The following PRKCZ variants were observed in gnomAD, a reference collection of about 807,000 sequenced individuals.
PRKCZ encodes protein kinase C zeta type.
A neutral mutation model predicts 79.5 loss-of-function variants in PRKCZ; 33 were observed. The ratio of observed to expected loss-of-function variants is 0.41; its 90% CI spans 0.31 to 0.55. The LOEUF is 0.55. PRKCZ is among the 20% of genes least tolerant of loss of function. The probability of loss-of-function intolerance (pLI) is 0.19; values close to 1 mark genes in which losing one functional copy is unlikely to be tolerated. For synonymous variants in PRKCZ, 342 were observed against 320.9 expected (o/e 1.07, Z -0.70); for missense variants, 578 against 813.5 (o/e 0.71, Z 3.52).
chr1:2,137,965 G>C (rs766146910), intron 5 of PRKCZ, among the ~76,000 whole-genome samples: 5 of 152,222 alleles, frequency 3.3e-5, no homozygotes, highest in Admixed American at 1.3e-4. Context: ...TGCTCAGGGA[G>C]GGCGGCTGCC....
Position 2,127,063 on chromosome 1 carries a change from C to A in PRKCZ, c.335-8199C>A, listed in dbSNP as rs1674057957. Among the ~76,000 whole-genome samples the A allele has an allele frequency of 6.6e-6, 1 of 152,230 alleles. No homozygotes were observed. Among genetic ancestry groups the A allele is most frequent in the South Asian group, 2.1e-4 (1 of 4,830 alleles). On this transcript the variant is annotated intron_variant, in intron 4 of 17. Transcript: ENST00000378567. This position sits in a 1 kb window ranked among gnomAD's most constrained non-coding sequence, Gnocchi z 5.1. Reference sequence around the variant, plus strand: ...CGCCTCGGCTGTGCCTCTTCTGTCTCTCGAGCTCTTCTGTGCCGTGTGGTT... The same window carrying A: ...CGCCTCGGCTGTGCCTCTTCTGTCTATCGAGCTCTTCTGTGCCGTGTGGTT...
Position 2,141,630 on chromosome 1 carries a change from G to A in PRKCZ, c.421-2580G>A, listed in dbSNP as rs12025309. On this transcript the variant is annotated intron_variant, in intron 5 of 17. Transcript: ENST00000378567. ...CAAAGTGCTGGGATTACAGGCATGA[G>A]CCACTGCGCCTGGCCAATCTTGGTT... 46 of 154,450 alleles carry A rather than the reference G, an allele frequency of 3.0e-4. No individual in the cohort carries two copies. In the South Asian group the frequency reaches 7.1e-3, roughly 24 times the overall value. The allele number at this position is 154,450 out of a possible 1,614,324, so 9.6% of individuals were successfully genotyped here.
Position 2,094,409 on chromosome 1 carries a change from C to A in PRKCZ, c.334+34818C>A. Among the ~76,000 whole-genome samples the A allele has an allele frequency of 6.6e-6, 1 of 151,698 alleles. No individual in the cohort carries two copies. Among genetic ancestry groups the A allele is most frequent in the Non-Finnish European group, 1.5e-5 (1 of 67,876 alleles). The stretch of plus-strand genomic sequence containing the variant: ...ATTCTGAGGCGCCCGCTGTGCCCGG[C>A]TCGTTGAACCTTGGGCGCTGCCCGT... On this transcript the variant is annotated intron_variant, in intron 4 of 17. Coordinates refer to ENST00000378567, the MANE Select transcript of PRKCZ (RefSeq NM_002744.6). This position sits in a 1 kb window ranked among gnomAD's most constrained non-coding sequence, Gnocchi z 7.3.
intron 4 of PRKCZ, among the ~76,000 whole-genome samples, chr1:2,079,489 G>A (rs1001086978): frequency 6.6e-6 from 1 of 152,226 alleles, no homozygotes; most frequent in Admixed American, 6.5e-5. Flanking sequence ...AAGCTGCGTG[G>A]TCAGGCCCCA....
intron 10 of PRKCZ, among the ~76,000 whole-genome samples, chr1:2,163,569 T>TTC (rs1171060914): frequency 2.0e-5 from 3 of 152,162 alleles, no homozygotes; most frequent in African/African-American, 7.2e-5. Context: ...TTAAGGGACT[T>TTC]TCCACCCATT....
At chr1:2,078,182 T>G (rs1662791766) in intron 4 of PRKCZ, among the ~76,000 whole-genome samples, 1 of 152,246 alleles carries the variant, frequency 6.6e-6, no homozygotes, top group Non-Finnish European at 1.5e-5. Context: ...CTCCTCTGCC[T>G]ACAGTCTTGA....
chr1:2,132,442 T>C (rs1675175776), intron 4 of PRKCZ, among the ~76,000 whole-genome samples: 1 of 152,146 alleles, frequency 6.6e-6, no homozygotes. Context: ...GCTGCGAGGC[T>C]CTCCCAGAGA....
chr1:2,156,125 C>A, intron 10 of PRKCZ, 33 bp downstream of exon 10: 1 of 1,556,936 alleles, frequency 6.4e-7, no homozygotes, highest in Non-Finnish European at 8.8e-7. Context: ...TGATATTCTG[C>A]AGATTTCAGA....
chr1:2,184,800 C>T (rs1687317098), intron 17 of PRKCZ, 102 bp downstream of exon 17: 54 of 1,384,042 alleles, frequency 3.9e-5, no homozygotes, highest in Non-Finnish European at 5.4e-5. Flanking sequence ...TTGAGTCCCA[C>T]CCGCCTGGTG....
rs115694710 is a variant in PRKCZ, at chr1:2,139,084, A to G, written c.420+3737A>G. On this transcript the variant is annotated intron_variant, in intron 5 of 17. Transcript: ENST00000378567. ...TACAGGAAAGGGGTTTGTAGCACGT[A>G]AAACCCAGAAGAGATCCAGACATCT... 2.7e-3 allele frequency among the ~76,000 whole-genome samples: 406 copies of G among 152,370 alleles called. 2 individuals carry two copies. Among genetic ancestry groups the G allele is most frequent in the African/African-American group, 9.4e-3 (392 of 41,592 alleles).
intron 4 of PRKCZ, among the ~76,000 whole-genome samples, chr1:2,088,006 G>GA (rs1182979673): frequency 2.0e-5 from 3 of 152,258 alleles, no homozygotes; most frequent in Non-Finnish European, 4.4e-5. Context: ...GACACTCAGT[G>GA]AAGACGGTCT....
At chr1:2,169,902 C>T (rs938092917) in intron 11 of PRKCZ, among the ~76,000 whole-genome samples, 1 of 151,888 alleles carries the variant, frequency 6.6e-6, no homozygotes, top group Non-Finnish European at 1.5e-5. Flanking sequence ...GCATCATGTC[C>T]CCCACAGTGT....
chr1:2,163,122 G>GGCCC (rs1557713271), intron 10 of PRKCZ, among the ~76,000 whole-genome samples: 2 of 152,226 alleles, frequency 1.3e-5, no homozygotes, highest in African/African-American at 2.4e-5. Flanking sequence ...CTGGGGTGAC[G>GGCCC]TTGACACTGG....
At chr1:2,079,971 AGG>A (rs1663177529) in intron 4 of PRKCZ, among the ~76,000 whole-genome samples, 2 of 152,106 alleles carry the variant, frequency 1.3e-5, no homozygotes, top group Admixed American at 6.5e-5. Context: ...TGGGTGAGGA[AGG>A]GGGTCTGGGG....
At chr1:2,063,414 G>T (rs1182915885) in intron 4 of PRKCZ, among the ~76,000 whole-genome samples, 1 of 152,060 alleles carries the variant, frequency 6.6e-6, no homozygotes, top group East Asian at 1.9e-4. Context: ...CTGGGCTCAA[G>T]CGATTCTCCT....
intron 4 of PRKCZ, among the ~76,000 whole-genome samples, chr1:2,113,699 G>A (rs369363522): frequency 6.6e-6 from 1 of 152,176 alleles, no homozygotes; most frequent in East Asian, 1.9e-4. Context: ...GCCAATGGCA[G>A]CCTAGCTGCC....
intron 4 of PRKCZ, among the ~76,000 whole-genome samples, chr1:2,066,169 C>T (rs541385069): frequency 6.6e-6 from 1 of 152,128 alleles, no homozygotes; most frequent in Non-Finnish European, 1.5e-5. Flanking sequence ...GCTTTCTTGT[C>T]GTGACTTTGT....
intron 4 of PRKCZ, among the ~76,000 whole-genome samples, chr1:2,086,202 C>T (rs7537615): frequency 0.19 from 28,468 of 151,928 alleles, 3,598 homozygotes; most frequent in East Asian, 0.61. Context: ...GCTGGGACTA[C>T]AGGCTCCTGC....
chr1:2,131,380 A>G (rs568863093), intron 4 of PRKCZ, among the ~76,000 whole-genome samples: 1 of 152,308 alleles, frequency 6.6e-6, no homozygotes, highest in South Asian at 2.1e-4. Flanking sequence ...CGAAGTGGGC[A>G]TATCGCCTGA....
Sources: gnomAD v4.1 joint callset for allele counts (sites outside exome capture counted in the v4.1 genomes callset) on GRCh38, gnomAD v4.1.1 for gene constraint, Gnocchi (gnomAD v3.1) non-coding constraint, MANE v1.5 for transcripts, NCBI Gene and HGNC (gene_info 2026-07-23, HGNC 2026-07-21) for gene names.